The following CA5B variants were observed in gnomAD, a reference collection of about 807,000 sequenced individuals.
The protein encoded by CA5B is carbonic anhydrase 5B, mitochondrial.
In CA5B, 15 loss-of-function variants were observed where a neutral mutation model predicts 23.1. The observed-to-expected ratio is 0.65, with a 90% CI of 0.43 to 1.00. CA5B has a LOEUF of 1.00. Among genes scored for constraint, CA5B ranks in the 50% least tolerant of loss-of-function variants. The pLI is 0.00. For synonymous variants in CA5B, 84 were observed against 98.5 expected (o/e 0.85, Z 0.87); for missense variants, 236 against 252.2 (o/e 0.94, Z 0.43).
chrX:15,775,845 T>G (rs1931912460), intron 6 of CA5B: 1 of 742,327 alleles, frequency 1.3e-6, no homozygotes, highest in Non-Finnish European at 1.6e-6. Context: ...CCCCACCTCT[T>G]TCCCTCTCCT....
chrX:15,749,636 C>T (rs2147255249), intron 1 of CA5B, among the ~76,000 whole-genome samples: 1 of 109,990 alleles, frequency 9.1e-6, no homozygotes, highest in African/African-American at 3.3e-5. Flanking sequence ...TTGGGATTTC[C>T]TGGAGCAATT....
rs1234735838 is a variant in CA5B at position 15,787,821 on chromosome X, G to C, written c.*5157G>C. 1.1e-4 allele frequency: 12 copies of C among 112,166 alleles called. No individual in the cohort carries two copies. Among genetic ancestry groups the C allele is most frequent in the African/African-American group, 3.9e-4 (12 of 30,907 alleles). 9.2% of individuals were successfully genotyped at this position (112,166 alleles called of 1,213,427 possible). A position where few individuals can be genotyped will look rare whatever the true frequency, so the allele number is the denominator to read the frequency against. On this transcript the variant is annotated 3_prime_UTR_variant, in exon 8 of 8. Transcript: ENST00000318636. ...TACAAAAATTAGCCAGGTGGTTGTG[G>C]CATGCACCTGTAATCCCAGCTACGC...
rs867748994 is a variant in CA5B, at chrX:15,784,416, A to G, written c.*1752A>G. On this transcript the variant is annotated 3_prime_UTR_variant, in exon 8 of 8. Transcript: ENST00000318636. ...ATCTCAGTTTATACAGTGGTTTAAA[A>G]GACTTTTGTTATGGTAATAGGGAGA... 4 of 112,147 alleles carry G rather than the reference A, an allele frequency of 3.6e-5. No homozygotes were observed. The highest frequency in any genetic ancestry group is 3.8e-5 in the Non-Finnish European group (2 of 53,257). The allele number at this position is 112,147 out of a possible 1,213,427, so 9.2% of individuals were successfully genotyped here.
At chrX:15,769,068 AAAG>A (rs1931768290) in intron 3 of CA5B, among the ~76,000 whole-genome samples, 1 of 111,733 alleles carries the variant, frequency 8.9e-6, no homozygotes, top group Non-Finnish European at 1.9e-5. Flanking sequence ...GAAACTAGAA[AAAG>A]AAGAACAAAC....
At chrX:15,742,205 A>G (rs574077807) in intron 1 of CA5B, among the ~76,000 whole-genome samples, 1 of 112,076 alleles carries the variant, frequency 8.9e-6, no homozygotes, top group Non-Finnish European at 1.9e-5. Flanking sequence ...AAATTCAACC[A>G]CTTCTTACCA....
At chrX:15,748,860 G>A (rs2147254838) in intron 1 of CA5B, among the ~76,000 whole-genome samples, 1 of 111,371 alleles carries the variant, frequency 9.0e-6, no homozygotes, top group South Asian at 3.8e-4. Flanking sequence ...GAACAGCCTG[G>A]CCAACATGGT....
Position 15,775,308 on chromosome X carries a change from G to A in CA5B, c.618G>A (p.Lys206=). Residue 206 remains lysine (K), a splice_region_variant and synonymous_variant, in exon 6 of 8, where the codon AAG becomes AAA. Coordinates refer to ENST00000318636, the MANE Select transcript of CA5B (RefSeq NM_007220.4). The part of the protein sequence containing the change: ...LVDTLPSIKH[K]DALVEFGSFD... ...ATACTTTGCCGTCAATTAAGCATAA[G>A]GTACTATTTGTTTTCCTTAATTACT... 1.7e-6 allele frequency: 2 copies of A among 1,188,604 alleles called. No homozygotes were observed. The highest frequency in any genetic ancestry group is 2.3e-6 in the Non-Finnish European group (2 of 881,086).
intron 1 of CA5B, among the ~76,000 whole-genome samples, chrX:15,746,248 T>C (rs1056279577): frequency 9.1e-6 from 1 of 110,036 alleles, no homozygotes; most frequent in Admixed American, 9.7e-5. Context: ...GGTTTCGCCA[T>C]GTTGGCCAGG....
intron 3 of CA5B, chrX:15,768,606 T>C (rs1042724904): frequency 1.8e-5 from 2 of 109,230 alleles, no homozygotes; most frequent in Admixed American, 9.8e-5. Context: ...TTACCTAATT[T>C]TCTCTCTCTC....
chrX:15,756,847 G>A (rs1286752521), intron 2 of CA5B, among the ~76,000 whole-genome samples: 1 of 110,029 alleles, frequency 9.1e-6, no homozygotes, highest in African/African-American at 3.3e-5. Flanking sequence ...AAGGTCAGGA[G>A]ATCGAGACCA....
chrX:15,775,775 T>G (rs941983888), intron 6 of CA5B: 10 of 748,468 alleles, frequency 1.3e-5, no homozygotes, highest in Admixed American at 8.9e-5. Flanking sequence ...AAAGGGCTGC[T>G]CTCTGGAGGC....
rs12010960 is a variant in CA5B, at chrX:15,751,667, C to T, written c.142+1502C>T. ...AGTGGCTTCGGGAGGGGCAGTTTTA[C>T]TTAGTGAATTTCCCACAACAGATGA... On this transcript the variant is annotated intron_variant, in intron 2 of 7. Coordinates refer to ENST00000318636, the MANE Select transcript of CA5B (RefSeq NM_007220.4). Among the ~76,000 whole-genome samples, 472 of 109,683 alleles carry T rather than the reference C, an allele frequency of 4.3e-3. 2 individuals are homozygous for T. Among genetic ancestry groups the T allele is most frequent in the African/African-American group, 0.014 (427 of 30,126 alleles).
chrX:15,778,672 A>G (rs1007026113), intron 7 of CA5B, among the ~76,000 whole-genome samples: 2 of 112,013 alleles, frequency 1.8e-5, no homozygotes, highest in East Asian at 5.6e-4. Flanking sequence ...AACAGGAAGC[A>G]TGACTGGGAG....
chrX:15,752,970 T>G (rs1396166311), intron 2 of CA5B, among the ~76,000 whole-genome samples: 1 of 111,162 alleles, frequency 9.0e-6, no homozygotes, highest in Non-Finnish European at 1.9e-5. Flanking sequence ...ATGTTTAAAT[T>G]TACCTATAGC....
intron 3 of CA5B, among the ~76,000 whole-genome samples, chrX:15,770,958 C>T (rs1006799232): frequency 6.5e-5 from 7 of 107,236 alleles, no homozygotes; most frequent in South Asian, 4.2e-4. Context: ...TTAGCAGAGA[C>T]GGGGTTTCAC....
intron 2 of CA5B, among the ~76,000 whole-genome samples, chrX:15,752,661 C>G (rs1157458892): frequency 1.8e-5 from 2 of 109,725 alleles, no homozygotes; most frequent in Admixed American, 1.9e-4. Context: ...GGAGGCGGAG[C>G]TTGCAGTGAG....
At chrX:15,771,402 C>T (rs1275725846) in intron 3 of CA5B, among the ~76,000 whole-genome samples, 1 of 103,372 alleles carries the variant, frequency 9.7e-6, no homozygotes, top group Non-Finnish European at 2.0e-5. Flanking sequence ...AATATTTTGC[C>T]TATAATATAT....
At position 15,783,887 on chromosome X, in the gene CA5B, C is replaced by CTTTTTTT. The variant is rs879222467; in HGVS notation, c.*1235_*1241dup. Reference sequence around the variant, plus strand: ...ACATTTCCAGAAATATTTTTCTTTTCTTTTTTTTTTTTTTTTTTGAGATGG... The same window carrying CTTTTTTT: ...ACATTTCCAGAAATATTTTTCTTTTCTTTTTTTTTTTTTTTTTTTTTTTTTGAGATGG... On this transcript the variant is annotated 3_prime_UTR_variant, in exon 8 of 8. Transcript: ENST00000318636. 16 of 78,576 alleles carry CTTTTTTT rather than the reference C, an allele frequency of 2.0e-4. No individual in the cohort carries two copies. The highest frequency in any genetic ancestry group is 2.9e-4 in the African/African-American group (6 of 20,953). The allele number at this position is 78,576 out of a possible 1,213,427, so 6.5% of individuals were successfully genotyped here. A position where few individuals can be genotyped will look rare whatever the true frequency, so the allele number is the denominator to read the frequency against.
At chrX:15,764,999 C>T (rs1322895749) in intron 3 of CA5B, 2 of 430,018 alleles carry the variant, frequency 4.7e-6, no homozygotes, top group Non-Finnish European at 3.9e-6. Flanking sequence ...AAATATATCT[C>T]TATCTCTCTA....
Sources: allele counts gnomAD v4.1 joint callset (sites outside exome capture counted in the v4.1 genomes callset), GRCh38; gene constraint gnomAD v4.1.1; transcripts MANE v1.5; gene names NCBI Gene and HGNC (gene_info 2026-07-23, HGNC 2026-07-21).